Variants in AGPAT3 observed in about 807,000 individuals in gnomAD.
AGPAT3 encodes 1-acylglycerol-3-phosphate O-acyltransferase 3.
A neutral mutation model predicts 47.3 loss-of-function variants in AGPAT3; 5 were observed. The observed-to-expected ratio is 0.11, with a 90% confidence interval of 0.06 to 0.22. The LOEUF (loss-of-function observed/expected upper bound fraction) is 0.22. AGPAT3 is among the 10% of genes least tolerant of loss of function. The pLI, the probability that AGPAT3 is intolerant of heterozygous loss-of-function variation, is 1.00. For synonymous variants in AGPAT3, 212 were observed against 208.3 expected, an observed-to-expected ratio of 1.02 and a Z score of -0.15; for missense variants, 315 against 493.0, an observed-to-expected ratio of 0.64 and a Z score of 3.42.
At chr21:43,975,063 A>G (rs1254501845) in intron 7 of AGPAT3, among the ~76,000 whole-genome samples, 1 of 150,780 alleles carries the variant, frequency 6.6e-6, no homozygotes, top group African/African-American at 2.5e-5. Flanking sequence ...CTCGCATGTG[A>G]TGTGTATGTG....
chr21:43,946,258 AC>A (rs2087883312), intron 2 of AGPAT3, among the ~76,000 whole-genome samples: 1 of 152,170 alleles, frequency 6.6e-6, no homozygotes, highest in Non-Finnish European at 1.5e-5. Flanking sequence ...CCCAGCAGAA[AC>A]CAGAATTCCA....
At chr21:43,944,173 G>A (rs111611797) in intron 2 of AGPAT3, among the ~76,000 whole-genome samples, 3,166 of 152,348 alleles carry the variant, frequency 0.021, 127 homozygotes, top group African/African-American at 0.069. Context: ...GGCAGAATCT[G>A]TGCCCCAAAT....
intron 2 of AGPAT3, among the ~76,000 whole-genome samples, chr21:43,913,859 T>C (rs2086677971): frequency 6.6e-6 from 1 of 152,204 alleles, no homozygotes; most frequent in Admixed American, 6.5e-5. Context: ...TAATATGGTG[T>C]TGATATACAC....
At chr21:43,974,377 T>C (rs1445389747) in intron 7 of AGPAT3, among the ~76,000 whole-genome samples, 1 of 151,598 alleles carries the variant, frequency 6.6e-6, no homozygotes, top group Non-Finnish European at 1.5e-5. Context: ...GTGTGTGATG[T>C]GTGTGTGGTG....
In AGPAT3 at chr21:43,922,899, T is replaced by C. The variant is rs1306986141; in HGVS notation, c.-49+18880T>C. 6.6e-6 allele frequency among the ~76,000 whole-genome samples: 1 copy of C among 152,076 alleles called. No individual in the cohort carries two copies. Among genetic ancestry groups the C allele is most frequent in the Non-Finnish European group, 1.5e-5 (1 of 67,992 alleles). ...TGGTGGTGGCAGAGCCAGCCTGGGG[T>C]CTGGGCATGGGGCGCCTGTCCCCAG... On this transcript the variant is annotated intron_variant, in intron 2 of 9. Transcript: ENST00000291572. The surrounding 1 kb of genome is among the most constrained non-coding windows in gnomAD (Gnocchi z 4.9).
In AGPAT3 at chr21:43,961,251, ACTCT is replaced by A. The variant is rs567530117; in HGVS notation, c.178+1394_178+1397del. Among the ~76,000 whole-genome samples the A allele has an allele frequency of 7.8e-4, 118 of 152,086 alleles. No homozygotes were observed. In the South Asian group the frequency reaches 0.013, roughly 17 times the overall value. On this transcript the variant is annotated intron_variant, in intron 3 of 9. Coordinates refer to ENST00000291572, the MANE Select transcript of AGPAT3 (RefSeq NM_020132.5). The stretch of plus-strand genomic sequence containing the variant: ...AGGGGATTCTTACGTTTTATTTCAC[ACTCT>A]CATGCTGTTTCCATGTTTTTGCATG...
chr21:43,977,418 G>A (rs1325356187), intron 7 of AGPAT3, among the ~76,000 whole-genome samples: 2 of 152,212 alleles, frequency 1.3e-5, no homozygotes, highest in Non-Finnish European at 2.9e-5. Flanking sequence ...CATGGGACCA[G>A]GGGCGTGGCC....
At position 43,880,315 on chromosome 21, in the gene AGPAT3, T is replaced by G. The variant is rs989262064; in HGVS notation, c.-112+14970T>G. On this transcript the variant is annotated intron_variant, in intron 1 of 9. Coordinates refer to ENST00000291572, the MANE Select transcript of AGPAT3 (RefSeq NM_020132.5). This position sits in a 1 kb window ranked among gnomAD's most constrained non-coding sequence, Gnocchi z 4.5. ...ATCTGGGAGCGGCAGGGGCAGCCAC[T>G]GTTCCTGTGGAACACACTGGAGAGG... 6.6e-6 allele frequency among the ~76,000 whole-genome samples: 1 copy of G among 152,220 alleles called. No individual in the cohort carries two copies. Among genetic ancestry groups the G allele is most frequent in the Non-Finnish European group, 1.5e-5 (1 of 68,036 alleles).
In AGPAT3 at chr21:43,969,224, G is replaced by A. The variant is rs368657540; in HGVS notation, c.455G>A (p.Arg152Gln). 1.4e-5 allele frequency: 22 copies of A among 1,614,222 alleles called. No individual in the cohort carries two copies. Among genetic ancestry groups the A allele is most frequent in the Middle Eastern group, 1.6e-4 (1 of 6,062 alleles). The change falls in exon 5 of 10, where the codon CGG becomes CAG. Residue 152 changes from arginine (R) to glutamine (Q), a missense_variant. By Grantham distance (43) the Arg-to-Gln change is conservative. Coordinates refer to ENST00000291572, the MANE Select transcript of AGPAT3 (RefSeq NM_020132.5). The stretch of plus-strand genomic sequence containing the variant: ...TGCAAGCGGAAGTGGGAGGAGGACC[G>A]GGACACCGTGGTCGAAGGGCTGAGG... ...VFCKRKWEED[R>Q]DTVVEGLRRL...
At chr21:43,945,216 G>A (rs187912849) in intron 2 of AGPAT3, among the ~76,000 whole-genome samples, 20 of 152,274 alleles carry the variant, frequency 1.3e-4, no homozygotes, top group African/African-American at 3.1e-4. Flanking sequence ...AAAAGCCTGC[G>A]ATTTGGCCTA....
intron 3 of AGPAT3, among the ~76,000 whole-genome samples, chr21:43,961,703 G>C (rs1291488755): frequency 1.3e-5 from 2 of 150,166 alleles, no homozygotes; most frequent in Admixed American, 6.6e-5. Context: ...TGTGGGAAAT[G>C]GTGAACCCAC....
rs936588607 is a variant in AGPAT3, at chr21:43,934,314, A to C, written c.-48-25320A>C. 5.3e-5 allele frequency among the ~76,000 whole-genome samples: 8 copies of C among 152,230 alleles called. No homozygotes were observed. Among genetic ancestry groups the C allele is most frequent in the African/African-American group, 1.9e-4 (8 of 41,464 alleles). ...GTCCCCACCTCCCAAGGGCGGAAGG[A>C]GGGGCCTCCAGGCCTCGTCTTCCTT... On this transcript the variant is annotated intron_variant, in intron 2 of 9. Transcript: ENST00000291572. This position sits in a 1 kb window ranked among gnomAD's most constrained non-coding sequence, Gnocchi z 4.7.
At chr21:43,906,395 C>A (rs2086495658) in intron 2 of AGPAT3, among the ~76,000 whole-genome samples, 1 of 152,084 alleles carries the variant, frequency 6.6e-6, no homozygotes, top group African/African-American at 2.4e-5. Flanking sequence ...TGACTTGCAC[C>A]AGTACCTCTC....
At position 43,933,558 on chromosome 21, in the gene AGPAT3, T is replaced by A. The variant is rs532863412; in HGVS notation, c.-48-26076T>A. ...GTTCTCAGTGCGCCCCGGGGGTCTT[T>A]GGTTCTCCATAGCCTGCTGGCGTCC... On this transcript the variant is annotated intron_variant, in intron 2 of 9. Transcript: ENST00000291572. The surrounding 1 kb of genome is among the most constrained non-coding windows in gnomAD (Gnocchi z 6.0). Among the ~76,000 whole-genome samples, 3 of 152,240 alleles carry A rather than the reference T, an allele frequency of 2.0e-5. No individual in the cohort carries two copies. In the South Asian group the frequency reaches 6.2e-4, roughly 32 times the overall value.
chr21:43,949,762 G>A (rs1196543969), intron 2 of AGPAT3, among the ~76,000 whole-genome samples: 1 of 152,210 alleles, frequency 6.6e-6, no homozygotes, highest in Non-Finnish European at 1.5e-5. Flanking sequence ...TTCCTCTGAA[G>A]CTTTTGTTTA....
At chr21:43,956,683 G>GCT (rs1385826784) in intron 2 of AGPAT3, among the ~76,000 whole-genome samples, 1 of 152,216 alleles carries the variant, frequency 6.6e-6, no homozygotes, top group African/African-American at 2.4e-5. Flanking sequence ...GGGTGCTGTG[G>GCT]GGTTGCAGGT....
intron 2 of AGPAT3, among the ~76,000 whole-genome samples, chr21:43,914,904 G>A (rs951358095): frequency 6.6e-6 from 1 of 152,044 alleles, no homozygotes; most frequent in Non-Finnish European, 1.5e-5. Flanking sequence ...TATAAAGATA[G>A]TTCTGTTTAA....
intron 5 of AGPAT3, 26 bp downstream of exon 5, chr21:43,969,305 C>A: frequency 6.2e-7 from 1 of 1,611,440 alleles, no homozygotes; most frequent in South Asian, 1.1e-5. Context: ...AGCCCGATAC[C>A]CTGCATGCCT....
intron 2 of AGPAT3, among the ~76,000 whole-genome samples, chr21:43,931,232 G>A (rs1254214592): frequency 6.6e-6 from 1 of 152,186 alleles, no homozygotes; most frequent in Non-Finnish European, 1.5e-5. Flanking sequence ...CCCGCATCTG[G>A]TGCTAGTGAC....
Sources: allele counts gnomAD v4.1 joint callset (sites outside exome capture counted in the v4.1 genomes callset), GRCh38; gene constraint gnomAD v4.1.1; non-coding constraint Gnocchi (gnomAD v3.1); transcripts MANE v1.5; gene names NCBI Gene and HGNC (gene_info 2026-07-23, HGNC 2026-07-21).